GRIK1: variants seen among roughly 807,000 people sequenced by gnomAD.
GRIK1 encodes glutamate receptor ionotropic, kainate 1.
In GRIK1, 69 loss-of-function variants were observed where a neutral mutation model predicts 105.7. The observed-to-expected ratio is 0.65, with a 90% CI of 0.54 to 0.80. The LOEUF (loss-of-function observed/expected upper bound fraction) is 0.80, where lower values mean the gene tolerates loss of function less well. GRIK1 is among the 30% of genes least tolerant of loss of function. The pLI is 0.00. For missense variants in GRIK1, 1,109 were observed against 1,167.3 expected (o/e 0.95, Z 0.73); for synonymous variants, 438 against 431.3 (o/e 1.02, Z -0.19).
chr21:29,600,242 T>G (rs545768668), intron 7 of GRIK1, among the ~76,000 whole-genome samples: 2 of 152,308 alleles, frequency 1.3e-5, no homozygotes, highest in African/African-American at 4.8e-5. Context: ...AAATTAACAT[T>G]TACAGGTTCC....
intron 7 of GRIK1, among the ~76,000 whole-genome samples, chr21:29,606,772 CTGACTCTCTGTCT>C (rs1165606497): frequency 2.0e-5 from 3 of 150,050 alleles, no homozygotes; most frequent in Admixed American, 2.0e-4. Flanking sequence ...TTTACTTCTG[CTGACTCTCTGTCT>C]CTGTTGTTTC....
At chr21:29,873,647 A>G (rs762594112) in intron 1 of GRIK1, among the ~76,000 whole-genome samples, 7 of 152,228 alleles carry the variant, frequency 4.6e-5, no homozygotes, top group Non-Finnish European at 1.0e-4. Context: ...TGAAGCATCT[A>G]GCAGGACAGT....
intron 1 of GRIK1, among the ~76,000 whole-genome samples, chr21:29,695,796 C>T (rs975325761): frequency 3.3e-5 from 5 of 152,108 alleles, no homozygotes; most frequent in African/African-American, 7.2e-5. Flanking sequence ...TTTATCTACT[C>T]TCAGGATTGA....
At chr21:29,605,449 C>CT (rs1319959213) in intron 7 of GRIK1, among the ~76,000 whole-genome samples, 1 of 152,066 alleles carries the variant, frequency 6.6e-6, no homozygotes, top group Non-Finnish European at 1.5e-5. Context: ...ACCACATTTT[C>CT]TTTTTTCAGT....
intron 16 of GRIK1, among the ~76,000 whole-genome samples, chr21:29,549,646 A>G (rs1320424257): frequency 6.6e-6 from 1 of 151,850 alleles, no homozygotes; most frequent in South Asian, 2.1e-4. Context: ...TAGGAGAACT[A>G]ATAATGTAAA....
chr21:29,731,367 C>A (rs555489238), intron 1 of GRIK1, among the ~76,000 whole-genome samples: 1 of 152,184 alleles, frequency 6.6e-6, no homozygotes, highest in South Asian at 2.1e-4. Flanking sequence ...GAGCAGTTTG[C>A]TTTTACTTTG....
intron 1 of GRIK1, among the ~76,000 whole-genome samples, chr21:29,924,379 G>A (rs1350741668): frequency 6.6e-6 from 1 of 151,494 alleles, no homozygotes; most frequent in Non-Finnish European, 1.5e-5. Context: ...TTAGATGGAA[G>A]AAGGGTTGTG....
chr21:29,715,751 C>T (rs1332396333), intron 1 of GRIK1, among the ~76,000 whole-genome samples: 2 of 150,978 alleles, frequency 1.3e-5, no homozygotes, highest in African/African-American at 4.9e-5. Flanking sequence ...ACACCCCTTT[C>T]TACCTAAGAG....
At chr21:29,791,832 A>G (rs2066427310) in intron 1 of GRIK1, among the ~76,000 whole-genome samples, 1 of 152,240 alleles carries the variant, frequency 6.6e-6, no homozygotes, top group Admixed American at 6.5e-5. Context: ...TTTTAAGCAG[A>G]AAACTCTTAA....
chr21:29,916,702 G>C (rs1220795407), intron 1 of GRIK1, among the ~76,000 whole-genome samples: 1 of 151,270 alleles, frequency 6.6e-6, no homozygotes, highest in Non-Finnish European at 1.5e-5. Flanking sequence ...TCTCTTGTAA[G>C]AACTCTGTCT....
chr21:29,720,495 A>ATGTGTG (rs147353174), intron 1 of GRIK1, among the ~76,000 whole-genome samples: 81 of 150,030 alleles, frequency 5.4e-4, no homozygotes, highest in African/African-American at 2.0e-3. Context: ...GTGTGTGTAT[A>ATGTGTG]TGTGTGTGTG....
intron 1 of GRIK1, among the ~76,000 whole-genome samples, chr21:29,728,746 C>A (rs1253322262): frequency 1.3e-5 from 2 of 152,126 alleles, no homozygotes; most frequent in African/African-American, 4.8e-5. Context: ...TCCTTGCCTT[C>A]ATAGAGCTGT....
chr21:29,727,216 G>A (rs890185917), intron 1 of GRIK1, among the ~76,000 whole-genome samples: 9 of 152,152 alleles, frequency 5.9e-5, no homozygotes, highest in South Asian at 2.1e-4. Flanking sequence ...ATGAGCTACC[G>A]TGCTTGGCCT....
chr21:29,650,471 G>A (rs376635906), intron 6 of GRIK1, among the ~76,000 whole-genome samples: 2 of 152,312 alleles, frequency 1.3e-5, no homozygotes, highest in African/African-American at 4.8e-5. Flanking sequence ...ATATAGTGAA[G>A]GTAGGTGCAT....
intron 1 of GRIK1, among the ~76,000 whole-genome samples, chr21:29,799,476 G>C (rs1054444101): frequency 6.6e-6 from 1 of 152,070 alleles, no homozygotes; most frequent in East Asian, 1.9e-4. Context: ...TCTCACTCCA[G>C]AGCCCCAGAG....
chr21:29,888,996 G>A (rs1323458312), intron 1 of GRIK1, among the ~76,000 whole-genome samples: 4 of 152,118 alleles, frequency 2.6e-5, no homozygotes, highest in Non-Finnish European at 5.9e-5. Flanking sequence ...ATCTGTTAAA[G>A]TTTCTTCTTC....
At chr21:29,777,108 C>T (rs2065966621) in intron 1 of GRIK1, among the ~76,000 whole-genome samples, 1 of 152,134 alleles carries the variant, frequency 6.6e-6, no homozygotes, top group Admixed American at 6.5e-5. Flanking sequence ...TCTCAGGCCC[C>T]ACCCTAGACC....
At chr21:29,779,269 G>A (rs1569083088) in intron 1 of GRIK1, among the ~76,000 whole-genome samples, 1 of 152,182 alleles carries the variant, frequency 6.6e-6, no homozygotes, top group South Asian at 2.1e-4. Context: ...AAATGCCTGT[G>A]ATAAGTCAGA....
In GRIK1 at chr21:29,697,928, C is replaced by CTTTCTTTCTTTCTT. The variant is rs1555874556; in HGVS notation, c.119-3866_119-3865insAAGAAAGAAAGAAA. 8.0e-3 allele frequency among the ~76,000 whole-genome samples: 1,171 copies of CTTTCTTTCTTTCTT among 145,944 alleles called. 6 individuals are homozygous for CTTTCTTTCTTTCTT. Among genetic ancestry groups the CTTTCTTTCTTTCTT allele is most frequent in the Non-Finnish European group, 0.012 (833 of 67,242 alleles). ...TTTCTTTCTTTCTTTCTCTCTCTCTCTCTTTCTTTCTTTCTTTCTTTTTTC... is the reference window on the plus strand; with the variant it reads ...TTTCTTTCTTTCTTTCTCTCTCTCTCTTTCTTTCTTTCTTTCTTTCTTTCTTTCTTTCTTTTTTC... On this transcript the variant is annotated intron_variant, in intron 1 of 17. Transcript: ENST00000327783.
Sources: gnomAD v4.1 joint callset for allele counts (sites outside exome capture counted in the v4.1 genomes callset) on GRCh38, gnomAD v4.1.1 for gene constraint, MANE v1.5 for transcripts, NCBI Gene and HGNC (gene_info 2026-07-23, HGNC 2026-07-21) for gene names.